Variants in ASXL2 observed in about 807,000 individuals in gnomAD.
ASXL2 encodes the protein ASXL transcriptional regulator 2.
ASXL2 carries 23 observed loss-of-function variants against 122.0 expected under a neutral mutation model. That is an observed-to-expected ratio of 0.19 (90% CI 0.14 to 0.27). The LOEUF is 0.27. ASXL2 is among the 10% of genes least tolerant of loss of function. The pLI is 1.00. For synonymous variants in ASXL2, 650 were observed against 637.0 expected, an observed-to-expected ratio of 1.02 and a Z score of -0.31; for missense variants, 1,518 against 1,713.8, an observed-to-expected ratio of 0.89 and a Z score of 2.02.
chr2:25,843,819 A>G (rs1157681818), intron 2 of ASXL2, among the ~76,000 whole-genome samples: 1 of 151,118 alleles, frequency 6.6e-6, no homozygotes, highest in African/African-American at 2.4e-5. Context: ...TCTCTTAAAA[A>G]AAAAAAAAAA....
chr2:25,784,945 CA>C (rs2088712693), intron 5 of ASXL2, among the ~76,000 whole-genome samples: 2 of 152,156 alleles, frequency 1.3e-5, no homozygotes, highest in Admixed American at 1.3e-4. Flanking sequence ...GCCTATTTTC[CA>C]GAGCTATACA....
At chr2:25,778,040 C>T (rs1196363519) in intron 5 of ASXL2, among the ~76,000 whole-genome samples, 69 of 151,992 alleles carry the variant, frequency 4.5e-4, no homozygotes, top group Admixed American at 4.5e-3. Context: ...AGATATATAG[C>T]CAGTAAGGAG....
chr2:25,768,902 CCAAT>C, intron 6 of ASXL2, 34 bp from the exon 7 acceptor site: 2 of 1,596,500 alleles, frequency 1.3e-6, no homozygotes, highest in Non-Finnish European at 1.7e-6. Flanking sequence ...AGAAACAAAA[CCAAT>C]CAGTTTTTTA....
At chr2:25,819,845 T>C (rs1033142760) in intron 3 of ASXL2, among the ~76,000 whole-genome samples, 7 of 152,228 alleles carry the variant, frequency 4.6e-5, no homozygotes, top group African/African-American at 1.7e-4. Flanking sequence ...TTTTACCCTG[T>C]AGTTAAAGAA....
chr2:25,836,234 T>C lies in ASXL2; in HGVS notation c.141-694A>G, dbSNP rs554954390. ...TCTACAAAAAATATTTTTAAAATGT[T>C]TAAAAAGAAAAAGAGGAGGAAGATG... On this transcript the variant is annotated intron_variant, in intron 2 of 12. Transcript: ENST00000435504. 3.9e-5 allele frequency among the ~76,000 whole-genome samples: 6 copies of C among 152,218 alleles called. No homozygotes were observed. The South Asian group carries it at 1.0e-3, about 26-fold the overall frequency.
At chr2:25,810,875 CA>C (rs1421995876) in intron 3 of ASXL2, among the ~76,000 whole-genome samples, 1 of 152,046 alleles carries the variant, frequency 6.6e-6, no homozygotes, top group Non-Finnish European at 1.5e-5. Context: ...ACAGTATATA[CA>C]AAAACATATT....
rs761741279 is a variant in ASXL2, at chr2:25,743,634, T to C, written c.2703A>G (p.Val901=). 1.9e-6 allele frequency: 3 copies of C among 1,613,986 alleles called. No individual in the cohort carries two copies. Among genetic ancestry groups the C allele is most frequent in the Non-Finnish European group, 2.5e-6 (3 of 1,179,886 alleles). Residue 901 remains valine, a synonymous_variant, in exon 13 of 13, where the codon GTA becomes GTG. Transcript: ENST00000435504. The part of the protein sequence containing the change: ...LTTATLEKLP[V]PQVSATTAPA... ...GTGCTGTAGTTGCACTGACCTGGGG[T>C]ACAGGAAGCTTTTCTAAAGTGGCTG...
chr2:25,835,063 A>T (rs1359256608), intron 3 of ASXL2, among the ~76,000 whole-genome samples: 2 of 151,150 alleles, frequency 1.3e-5, no homozygotes, highest in Non-Finnish European at 2.9e-5. Context: ...ACCTCAAGTG[A>T]TCCACCCACC....
rs939890175 is a variant in ASXL2, at chr2:25,814,517, C to T, written c.144-8180G>A. ...CACCTTAAAGATTATGTAACTATCA[C>T]ACAACAAGTCAGCTTCTAATTTTTC... On this transcript the variant is annotated intron_variant, in intron 3 of 12. Transcript: ENST00000435504. Among the ~76,000 whole-genome samples, 6 of 152,302 alleles carry T rather than the reference C, an allele frequency of 3.9e-5. No homozygotes were observed. The South Asian group carries it at 1.2e-3, about 32-fold the overall frequency.
chr2:25,799,203 G>A (rs1468071785), intron 5 of ASXL2, among the ~76,000 whole-genome samples, 182 bp downstream of exon 5: 2 of 152,226 alleles, frequency 1.3e-5, no homozygotes, highest in Non-Finnish European at 2.9e-5. Context: ...TGGCTACTGT[G>A]TTGTGCTGGA....
chr2:25,811,259 T>A (rs1023510187), intron 3 of ASXL2, among the ~76,000 whole-genome samples: 19 of 150,898 alleles, frequency 1.3e-4, no homozygotes, highest in Middle Eastern at 3.4e-3. Context: ...GCTTAAAAAA[T>A]AAATAAATAA....
At chr2:25,856,796 G>A (rs945711665) in intron 1 of ASXL2, 5 of 1,240,074 alleles carry the variant, frequency 4.0e-6, no homozygotes, top group Non-Finnish European at 5.9e-6. Context: ...TCCTCTTGGG[G>A]TTGGTGACTG....
chr2:25,839,874 C>T (rs1331566282), intron 2 of ASXL2, among the ~76,000 whole-genome samples: 1 of 150,934 alleles, frequency 6.6e-6, no homozygotes, highest in East Asian at 1.9e-4. Context: ...TATAGGCTTG[C>T]ACTACCATGT....
At chr2:25,865,580 A>C (rs2089893385) in intron 1 of ASXL2, among the ~76,000 whole-genome samples, 1 of 150,900 alleles carries the variant, frequency 6.6e-6, no homozygotes, top group Non-Finnish European at 1.5e-5. Context: ...ATCCTGGCTA[A>C]CACGGTGAGA....
intron 3 of ASXL2, among the ~76,000 whole-genome samples, chr2:25,820,941 C>G (rs1365114632): frequency 6.6e-6 from 1 of 151,958 alleles, no homozygotes; most frequent in Non-Finnish European, 1.5e-5. Flanking sequence ...CCTAGGCGGG[C>G]GGATCACCTG....
chr2:25,870,281 T>C (rs2089953277), intron 1 of ASXL2, among the ~76,000 whole-genome samples: 1 of 152,114 alleles, frequency 6.6e-6, no homozygotes, highest in East Asian at 1.9e-4. Context: ...TCCCAGCACT[T>C]TGGGAGGCCA....
intron 3 of ASXL2, among the ~76,000 whole-genome samples, chr2:25,811,025 C>A (rs2089160964): frequency 6.7e-6 from 1 of 148,884 alleles, no homozygotes; most frequent in Admixed American, 6.8e-5. Flanking sequence ...CTAGTCTGAG[C>A]AACCCCTGTC....
intron 9 of ASXL2, among the ~76,000 whole-genome samples, chr2:25,759,066 T>C (rs1215753680): frequency 3.3e-5 from 5 of 152,216 alleles, no homozygotes; most frequent in Non-Finnish European, 7.3e-5. Context: ...GCGATTCTCC[T>C]GGCTCAGCCT....
In ASXL2 at chr2:25,735,224, CAG is replaced by C. The variant is rs1245566798; in HGVS notation, c.*6803_*6804del. On this transcript the variant is annotated 3_prime_UTR_variant, in exon 13 of 13. Coordinates refer to ENST00000435504, the MANE Select transcript of ASXL2 (RefSeq NM_018263.6). ...TAAGGCAGAAAGTTACATGGAAGTA[CAG>C]AGTCTATACAGTCTCTATGAAAAAC... 1.3e-5 allele frequency: 2 copies of C among 152,230 alleles called. No individual in the cohort carries two copies. The highest frequency in any genetic ancestry group is 2.4e-5 in the African/African-American group (1 of 41,550). The allele number at this position is 152,230 out of a possible 1,614,324, so 9.4% of individuals were successfully genotyped here.
Sources: gnomAD v4.1 joint callset for allele counts (sites outside exome capture counted in the v4.1 genomes callset) on GRCh38, gnomAD v4.1.1 for gene constraint, MANE v1.5 for transcripts, NCBI Gene and HGNC (gene_info 2026-07-23, HGNC 2026-07-21) for gene names.